EYS: variants seen among roughly 807,000 people sequenced by gnomAD.
EYS encodes the protein EGF-like photoreceptor maintenance factor, also known as protein eyes shut homolog.
EYS carries 250 observed loss-of-function variants against 282.1 expected under a neutral mutation model. That is an observed-to-expected ratio of 0.89 (90% CI 0.80 to 0.98). The LOEUF (loss-of-function observed/expected upper bound fraction) is 0.98, where lower values mean the gene tolerates loss of function less well. Ranked by LOEUF, EYS falls within the 50% of genes least tolerant of loss-of-function variation. The probability of loss-of-function intolerance (pLI) is 0.00; values close to 1 mark genes in which losing one functional copy is unlikely to be tolerated. For missense variants in EYS, 4,016 were observed against 3,709.0 expected (o/e 1.08, Z -2.15); for synonymous variants, 1,355 against 1,282.9 (o/e 1.06, Z -1.20).
intron 15 of EYS, among the ~76,000 whole-genome samples, chr6:64,939,812 T>C (rs1159014506): frequency 6.6e-6 from 1 of 151,982 alleles, no homozygotes; most frequent in Non-Finnish European, 1.5e-5. Context: ...TAGGTGTAAG[T>C]GTTCTTCTGA....
intron 31 of EYS, among the ~76,000 whole-genome samples, chr6:64,187,523 T>C (rs1245380513): frequency 1.3e-5 from 2 of 152,040 alleles, no homozygotes; most frequent in Non-Finnish European, 2.9e-5. Flanking sequence ...ATAGCAATTA[T>C]TAAATAAATA....
rs187596888 is a variant in EYS, at chr6:63,738,812, C to T, written c.8072-12132G>A. 3.2e-4 allele frequency among the ~76,000 whole-genome samples: 48 copies of T among 152,220 alleles called. No homozygotes were observed. The East Asian group carries it at 5.8e-3, about 18-fold the overall frequency. On this transcript the variant is annotated intron_variant, in intron 41 of 42. Transcript: ENST00000503581. ...CATTTTCCCTTGTAATTCATTTCTA[C>T]GTCAGGCAAAAGTATTCAAAAATTA...
At chr6:64,183,012 C>T (rs1033920952) in intron 31 of EYS, among the ~76,000 whole-genome samples, 7 of 152,100 alleles carry the variant, frequency 4.6e-5, no homozygotes, top group African/African-American at 1.4e-4. Flanking sequence ...GTCACGGGAA[C>T]GACCAGGTAG....
chr6:65,030,498 C>T (rs949135488), intron 13 of EYS, among the ~76,000 whole-genome samples: 4 of 152,144 alleles, frequency 2.6e-5, no homozygotes, highest in Non-Finnish European at 5.9e-5. Flanking sequence ...CACTGCATCC[C>T]CTGAGCACCC....
intron 12 of EYS, among the ~76,000 whole-genome samples, chr6:65,293,987 G>T (rs1768596163): frequency 6.6e-6 from 1 of 151,744 alleles, no homozygotes; most frequent in Non-Finnish European, 1.5e-5. Context: ...GGGAGAGAAA[G>T]CAAATGGAGG....
chr6:64,591,686 A>T lies in EYS; in HGVS notation c.4181T>A (p.Ile1394Asn), dbSNP rs1294109237. The T allele has an allele frequency of 6.4e-7, 1 of 1,551,358 alleles. No individual in the cohort carries two copies. The highest frequency in any genetic ancestry group is 2.0e-5 in the Admixed American group (1 of 50,972). ...AAAATCTGACATTAAGGAAGACATG[A>T]TAAATGGGGTCCTTGCTCTCCTATC... ...FPDRRARTPFIMSSLMSDFIF... is the reference protein window; with the variant it reads ...FPDRRARTPFNMSSLMSDFIF... Residue 1394 changes from isoleucine to asparagine, a missense_variant, in exon 26 of 43, where the codon ATC becomes AAC. Ile to Asn is a moderately radical substitution (Grantham distance 149). Coordinates refer to ENST00000503581, the MANE Select transcript of EYS (RefSeq NM_001142800.2).
At chr6:64,821,493 G>A (rs1269266145) in intron 21 of EYS, among the ~76,000 whole-genome samples, 152 bp downstream of exon 21, 1 of 151,954 alleles carries the variant, frequency 6.6e-6, no homozygotes, top group Non-Finnish European at 1.5e-5. Flanking sequence ...TTTGTTTGGA[G>A]CAGCCAAAGA....
At chr6:65,704,611 G>A (rs1030387846) in intron 1 of EYS, among the ~76,000 whole-genome samples, 2 of 152,196 alleles carry the variant, frequency 1.3e-5, no homozygotes, top group East Asian at 1.9e-4. Flanking sequence ...TTAATATTCG[G>A]TTATATTTGA....
At chr6:64,492,271 A>G (rs1309760652) in intron 26 of EYS, among the ~76,000 whole-genome samples, 1 of 151,264 alleles carries the variant, frequency 6.6e-6, no homozygotes, top group Non-Finnish European at 1.5e-5. Context: ...CCATGTATTC[A>G]TAACCAAATT....
chr6:64,027,009 G>A (rs986980235), intron 33 of EYS, among the ~76,000 whole-genome samples: 14 of 152,154 alleles, frequency 9.2e-5, no homozygotes, highest in African/African-American at 2.2e-4. Context: ...TAGATCAAAC[G>A]CTGGCCTTTA....
intron 41 of EYS, among the ~76,000 whole-genome samples, chr6:63,737,680 T>C (rs1159648908): frequency 6.6e-6 from 1 of 152,222 alleles, no homozygotes; most frequent in Admixed American, 6.6e-5. Flanking sequence ...TTCCTCCTTA[T>C]ACCTCTGGTA....
At chr6:64,072,483 A>C (rs1771618492) in intron 32 of EYS, among the ~76,000 whole-genome samples, 1 of 151,824 alleles carries the variant, frequency 6.6e-6, no homozygotes, top group Admixed American at 6.6e-5. Flanking sequence ...AGTATAATTA[A>C]AATTTTTTTG....
At chr6:63,964,138 A>G (rs976428249) in intron 35 of EYS, among the ~76,000 whole-genome samples, 3 of 152,154 alleles carry the variant, frequency 2.0e-5, no homozygotes, top group African/African-American at 7.2e-5. Flanking sequence ...TTTGAAGTAA[A>G]ATTGAAATAC....
At chr6:64,880,568 C>A in intron 19 of EYS, among the ~76,000 whole-genome samples, 1 of 151,386 alleles carries the variant, frequency 6.6e-6, no homozygotes, top group Non-Finnish European at 1.5e-5. Flanking sequence ...GCATCTTGAA[C>A]CCAAACCTAA....
intron 36 of EYS, among the ~76,000 whole-genome samples, chr6:63,819,332 G>A (rs1195778632): frequency 1.3e-5 from 2 of 152,196 alleles, no homozygotes; most frequent in East Asian, 3.9e-4. Context: ...ATAGGACTAT[G>A]GCTATGTCTC....
At chr6:65,385,859 T>C (rs1199242488) in intron 7 of EYS, among the ~76,000 whole-genome samples, 2 of 151,962 alleles carry the variant, frequency 1.3e-5, no homozygotes, top group African/African-American at 4.8e-5. Context: ...ACCAACTTAA[T>C]GAAAGGTAGC....
At chr6:63,902,335 G>C (rs1054351940) in intron 35 of EYS, among the ~76,000 whole-genome samples, 1 of 152,080 alleles carries the variant, frequency 6.6e-6, no homozygotes, top group Non-Finnish European at 1.5e-5. Flanking sequence ...AGACATTATA[G>C]ATAAATAAAG....
chr6:64,264,691 C>T (rs1386299159), intron 30 of EYS, among the ~76,000 whole-genome samples: 1 of 152,104 alleles, frequency 6.6e-6, no homozygotes, highest in Admixed American at 6.6e-5. Flanking sequence ...AGGTATATCA[C>T]TTGAGTTTAG....
intron 2 of EYS, among the ~76,000 whole-genome samples, chr6:65,503,242 T>C (rs576822898): frequency 2.2e-4 from 34 of 151,694 alleles, no homozygotes; most frequent in Non-Finnish European, 4.1e-4. Context: ...CCTTTTTATA[T>C]GTTTATTTAC....
Sources: gnomAD v4.1 joint callset for allele counts (sites outside exome capture counted in the v4.1 genomes callset) on GRCh38, gnomAD v4.1.1 for gene constraint, MANE v1.5 for transcripts, NCBI Gene and HGNC (gene_info 2026-07-23, HGNC 2026-07-21) for gene names.